The following KHDRBS2 variants were observed in gnomAD, a reference collection of about 807,000 sequenced individuals.
The protein encoded by KHDRBS2 is KH RNA binding domain containing, signal transduction associated 2.
KHDRBS2 carries 26 observed loss-of-function variants against 44.3 expected under a neutral mutation model. The observed-to-expected ratio is 0.59, with a 90% CI of 0.43 to 0.81. The LOEUF (loss-of-function observed/expected upper bound fraction) is 0.81, where lower values mean the gene tolerates loss of function less well. KHDRBS2 is among the 40% of genes least tolerant of loss of function. The pLI, the probability that KHDRBS2 is intolerant of heterozygous loss-of-function variation, is 0.00. For synonymous variants in KHDRBS2, 194 were observed against 151.1 expected (o/e 1.28, Z -2.08); for missense variants, 476 against 433.1 (o/e 1.10, Z -0.88).
intron 6 of KHDRBS2, among the ~76,000 whole-genome samples, chr6:61,828,376 T>A (rs1374384084): frequency 6.6e-6 from 1 of 152,182 alleles, no homozygotes; most frequent in Non-Finnish European, 1.5e-5. Flanking sequence ...GAAGGCAACT[T>A]CAGGAGTAAG....
At chr6:62,272,812 G>A (rs1840295522) in intron 1 of KHDRBS2, among the ~76,000 whole-genome samples, 1 of 152,132 alleles carries the variant, frequency 6.6e-6, no homozygotes. Context: ...ATCGTATGTA[G>A]TTTTGTAAAA....
At chr6:61,715,870 A>G (rs563747439) in intron 7 of KHDRBS2, among the ~76,000 whole-genome samples, 2 of 151,916 alleles carry the variant, frequency 1.3e-5, no homozygotes, top group South Asian at 4.1e-4. Context: ...ATCTATAGAT[A>G]TATTTGAATC....
At chr6:62,199,142 G>A (rs1304617486) in intron 1 of KHDRBS2, among the ~76,000 whole-genome samples, 1 of 152,104 alleles carries the variant, frequency 6.6e-6, no homozygotes, top group Non-Finnish European at 1.5e-5. Flanking sequence ...TATTGGATGG[G>A]CAAAAACTGG....
At chr6:61,695,994 G>A (rs181726303) in intron 8 of KHDRBS2, among the ~76,000 whole-genome samples, 204 of 151,988 alleles carry the variant, frequency 1.3e-3, no homozygotes, top group Non-Finnish European at 2.1e-3. Context: ...GTTAGAGACC[G>A]GGTCTCACTA....
intron 7 of KHDRBS2, among the ~76,000 whole-genome samples, chr6:61,712,535 G>A (rs1324676021): frequency 6.6e-6 from 1 of 151,846 alleles, no homozygotes; most frequent in African/African-American, 2.4e-5. Flanking sequence ...TATTTGGGAA[G>A]CAATATGATA....
chr6:61,910,870 C>T (rs1805928133), intron 4 of KHDRBS2, among the ~76,000 whole-genome samples: 1 of 152,130 alleles, frequency 6.6e-6, no homozygotes, highest in African/African-American at 2.4e-5. Flanking sequence ...AAAACAACTA[C>T]TTTTTTCAAT....
intron 3 of KHDRBS2, among the ~76,000 whole-genome samples, chr6:62,039,653 T>C (rs75059921): frequency 2.8e-4 from 43 of 152,138 alleles, no homozygotes; most frequent in African/African-American, 9.2e-4. Flanking sequence ...TGACTAATGA[T>C]GTAACAAGCT....
At chr6:61,944,773 T>G (rs1812857879) in intron 4 of KHDRBS2, among the ~76,000 whole-genome samples, 1 of 151,888 alleles carries the variant, frequency 6.6e-6, no homozygotes, top group Admixed American at 6.6e-5. Context: ...ACCCTATAAA[T>G]ATGTAAAATA....
intron 4 of KHDRBS2, among the ~76,000 whole-genome samples, chr6:61,927,988 T>C (rs910482376): frequency 6.6e-6 from 1 of 152,132 alleles, no homozygotes; most frequent in African/African-American, 2.4e-5. Context: ...CAATCTTGGA[T>C]ACTGCTTACA....
intron 1 of KHDRBS2, among the ~76,000 whole-genome samples, chr6:62,180,429 G>A (rs1373637322): frequency 6.6e-6 from 1 of 151,692 alleles, no homozygotes; most frequent in African/African-American, 2.4e-5. Flanking sequence ...AATTAAGAAA[G>A]CAATCTTATT....
intron 8 of KHDRBS2, among the ~76,000 whole-genome samples, chr6:61,685,614 T>C (rs1194505095): frequency 6.6e-6 from 1 of 151,898 alleles, no homozygotes; most frequent in East Asian, 2.0e-4. Context: ...CTAGAGTGCA[T>C]CTCTATTTCA....
chr6:62,200,319 T>C (rs1388069435), intron 1 of KHDRBS2, among the ~76,000 whole-genome samples: 1 of 151,856 alleles, frequency 6.6e-6, no homozygotes, highest in Non-Finnish European at 1.5e-5. Context: ...TGGGAGAAAA[T>C]TTCTGCAATC....
chr6:61,562,677 T>A, the KHDRBS2 span, among the ~76,000 whole-genome samples: 1 of 152,086 alleles, frequency 6.6e-6, no homozygotes, highest in Non-Finnish European at 1.5e-5. Flanking sequence ...AGAACCCCCA[T>A]CTTCCAATCA....
At chr6:62,136,360 G>T (rs780532021) in intron 2 of KHDRBS2, among the ~76,000 whole-genome samples, 3 of 152,162 alleles carry the variant, frequency 2.0e-5, no homozygotes, top group Non-Finnish European at 2.9e-5. Flanking sequence ...GAAGAATTTT[G>T]TTCAAATCAT....
chr6:62,240,670 GTGTATATATATA>G (rs1163969825), intron 1 of KHDRBS2, among the ~76,000 whole-genome samples: 5 of 62,544 alleles, frequency 8.0e-5, no homozygotes, highest in African/African-American at 1.1e-4. Context: ...GTATGTGTGT[GTGTATATATATA>G]TATATATATA....
chr6:62,246,433 AT>A (rs996873611), intron 1 of KHDRBS2, among the ~76,000 whole-genome samples: 2 of 152,018 alleles, frequency 1.3e-5, no homozygotes, highest in African/African-American at 4.8e-5. Flanking sequence ...CATTTTTCAC[AT>A]GTGGTTTCTT....
At chr6:61,586,923 C>T in the KHDRBS2 span, among the ~76,000 whole-genome samples, 2 of 152,134 alleles carry the variant, frequency 1.3e-5, no homozygotes, top group Non-Finnish European at 2.9e-5. Flanking sequence ...TTTTGCATTT[C>T]TCAAGTCCTG....
chr6:61,669,707 T>C, the KHDRBS2 span, among the ~76,000 whole-genome samples: 1 of 151,046 alleles, frequency 6.6e-6, no homozygotes, highest in African/African-American at 2.4e-5. Flanking sequence ...TTAATTAACA[T>C]AGCTCATAAT....
intron 2 of KHDRBS2, among the ~76,000 whole-genome samples, chr6:62,077,457 C>T (rs1227941167): frequency 2.0e-5 from 3 of 152,072 alleles, no homozygotes; most frequent in Admixed American, 1.3e-4. Context: ...TGTACGTCTG[C>T]ATTCCTAGTT....
Sources: gnomAD v4.1 joint callset for allele counts (sites outside exome capture counted in the v4.1 genomes callset) on GRCh38, gnomAD v4.1.1 for gene constraint, MANE v1.5 for transcripts, NCBI Gene and HGNC (gene_info 2026-07-23, HGNC 2026-07-21) for gene names.